Variants in ADAMTS12 observed in about 807,000 individuals in gnomAD.
ADAMTS12 encodes ADAM metallopeptidase with thrombospondin type 1 motif 12.
ADAMTS12 carries 118 observed loss-of-function variants against 167.8 expected under a neutral mutation model. That is an observed-to-expected ratio of 0.70 (90% confidence interval 0.61 to 0.82). The LOEUF is 0.82. ADAMTS12 is among the 40% of genes least tolerant of loss of function. ADAMTS12 has a pLI of 0.00. For missense variants in ADAMTS12, 1,916 were observed against 1,998.8 expected, an observed-to-expected ratio of 0.96 and a Z score of 0.79; for synonymous variants, 704 against 716.9, an observed-to-expected ratio of 0.98 and a Z score of 0.29.
chr5:33,626,326 T>C (rs893836516), intron 13 of ADAMTS12, among the ~76,000 whole-genome samples: 1 of 148,022 alleles, frequency 6.8e-6, no homozygotes, highest in Non-Finnish European at 1.5e-5. Flanking sequence ...GCAGTGATGA[T>C]GGTGGTGATG....
intron 2 of ADAMTS12, among the ~76,000 whole-genome samples, chr5:33,777,633 C>T (rs894439209): frequency 3.0e-4 from 46 of 152,118 alleles, no homozygotes; most frequent in Non-Finnish European, 5.6e-4. Flanking sequence ...AAGATACCTA[C>T]TGTCACCATT....
intron 3 of ADAMTS12, among the ~76,000 whole-genome samples, chr5:33,705,993 T>C (rs1035468938): frequency 6.6e-6 from 1 of 152,130 alleles, no homozygotes; most frequent in African/African-American, 2.4e-5. Flanking sequence ...AAACTGATCT[T>C]CCATGTTCAT....
intron 2 of ADAMTS12, among the ~76,000 whole-genome samples, chr5:33,810,726 G>A (rs1424160474): frequency 2.6e-5 from 4 of 152,128 alleles, no homozygotes; most frequent in African/African-American, 4.8e-5. Flanking sequence ...TAAAATTGAG[G>A]GGAAAAGTCT....
intron 11 of ADAMTS12, among the ~76,000 whole-genome samples, chr5:33,640,360 C>T (rs2112169864): frequency 6.6e-6 from 1 of 152,344 alleles, no homozygotes; most frequent in South Asian, 2.1e-4. Flanking sequence ...ACCTCCTCAA[C>T]TAGGAGTTCC....
At chr5:33,573,294 C>G (rs1213591559) in intron 19 of ADAMTS12, among the ~76,000 whole-genome samples, 1 of 152,188 alleles carries the variant, frequency 6.6e-6, no homozygotes, top group Non-Finnish European at 1.5e-5. Flanking sequence ...ATCACCAAGT[C>G]AATCCTAAGC....
intron 16 of ADAMTS12, among the ~76,000 whole-genome samples, chr5:33,599,046 C>T (rs994648934): frequency 6.6e-6 from 1 of 152,172 alleles, no homozygotes; most frequent in African/African-American, 2.4e-5. Flanking sequence ...CTTGGATCAA[C>T]CGGCTTAGGT....
rs529332051 is a variant in ADAMTS12, at chr5:33,764,029, A to AGCATT, written c.490-12486_490-12482dup. Among the ~76,000 whole-genome samples the AGCATT allele has an allele frequency of 2.4e-3, 360 of 152,322 alleles. 1 individual carries two copies. The highest frequency in any genetic ancestry group is 8.3e-3 in the African/African-American group (347 of 41,576). On this transcript the variant is annotated intron_variant, in intron 2 of 23. Coordinates refer to ENST00000504830, the MANE Select transcript of ADAMTS12 (RefSeq NM_030955.4). ...CCTACAGGGCTGTAGTGCCACACAC[A>AGCATT]GCATTCATTAAGAAACAATAGTGGC... is the stretch of plus-strand genomic sequence containing the variant.
chr5:33,683,177 G>T, intron 4 of ADAMTS12, 76 bp from the exon 5 acceptor site: 1 of 1,142,528 alleles, frequency 8.8e-7, no homozygotes, highest in Non-Finnish European at 1.3e-6. Context: ...AAATAGCATT[G>T]TAATGCACAT....
At chr5:33,578,592 G>GA (rs928599931) in intron 18 of ADAMTS12, among the ~76,000 whole-genome samples, 12 of 151,062 alleles carry the variant, frequency 7.9e-5, no homozygotes, top group South Asian at 2.1e-4. Flanking sequence ...CTTTTACCTG[G>GA]AAAAAAAAAT....
chr5:33,875,546 G>A (rs1750198688), intron 2 of ADAMTS12, among the ~76,000 whole-genome samples: 2 of 152,084 alleles, frequency 1.3e-5, no homozygotes, highest in South Asian at 4.2e-4. Context: ...ATATTAATAG[G>A]CTAAAGAAGA....
At chr5:33,772,496 G>C (rs1745782779) in intron 2 of ADAMTS12, among the ~76,000 whole-genome samples, 2 of 152,130 alleles carry the variant, frequency 1.3e-5, no homozygotes, top group South Asian at 4.1e-4. Context: ...TTACTCACTT[G>C]GAAAACATCC....
chr5:33,614,134 G>A (rs768345148), intron 16 of ADAMTS12, 104 bp downstream of exon 16: 18 of 1,438,180 alleles, frequency 1.3e-5, no homozygotes, highest in Non-Finnish European at 1.7e-5. Flanking sequence ...GTGGAGCCCT[G>A]CAGATCCATG....
At chr5:33,528,246 T>C (rs1285466955) in intron 23 of ADAMTS12, among the ~76,000 whole-genome samples, 1 of 150,950 alleles carries the variant, frequency 6.6e-6, no homozygotes, top group East Asian at 1.9e-4. Context: ...ATAAGAATGA[T>C]ATAATAGACA....
intron 5 of ADAMTS12, among the ~76,000 whole-genome samples, chr5:33,669,776 A>C (rs1017402465): frequency 6.6e-6 from 1 of 152,112 alleles, no homozygotes; most frequent in Admixed American, 6.6e-5. Flanking sequence ...AGATATCCAC[A>C]GGCCAAAAAC....
At chr5:33,711,820 G>T (rs1471140080) in intron 3 of ADAMTS12, among the ~76,000 whole-genome samples, 1 of 152,172 alleles carries the variant, frequency 6.6e-6, no homozygotes, top group African/African-American at 2.4e-5. Flanking sequence ...TGACCCTAAG[G>T]ATATGTGCAG....
chr5:33,696,284 G>T (rs373138852), intron 3 of ADAMTS12, among the ~76,000 whole-genome samples: 1 of 150,580 alleles, frequency 6.6e-6, no homozygotes, highest in Non-Finnish European at 1.5e-5. Flanking sequence ...AGCCGGGCAC[G>T]GTGGCGGGCG....
chr5:33,590,449 C>T (rs571708319), intron 17 of ADAMTS12, among the ~76,000 whole-genome samples: 129 of 152,148 alleles, frequency 8.5e-4, no homozygotes, highest in Non-Finnish European at 1.2e-3. Context: ...GGATTAAGGC[C>T]ACTTGGAAAA....
rs560792726 is a variant in ADAMTS12 at position 33,703,780 on chromosome 5, G to A, written c.635-19725C>T. Among the ~76,000 whole-genome samples the A allele has an allele frequency of 1.1e-4, 17 of 152,246 alleles. No individual in the cohort carries two copies. The East Asian group carries it at 3.3e-3, about 29-fold the overall frequency. On this transcript the variant is annotated intron_variant, in intron 3 of 23. Transcript: ENST00000504830. ...GTAAATTAAATAAAATTTACAGGAG[G>A]TATTGGTTTGGGCTGAGCTTCTGCA... is the stretch of plus-strand genomic sequence containing the variant.
chr5:33,731,510 A>T (rs1266728748), intron 3 of ADAMTS12, among the ~76,000 whole-genome samples: 1 of 152,250 alleles, frequency 6.6e-6, no homozygotes, highest in Non-Finnish European at 1.5e-5. Flanking sequence ...ATGCATGATA[A>T]TGAGGCAAGG....
Sources: gnomAD v4.1 joint callset for allele counts (sites outside exome capture counted in the v4.1 genomes callset) on GRCh38, gnomAD v4.1.1 for gene constraint, MANE v1.5 for transcripts, NCBI Gene and HGNC (gene_info 2026-07-23, HGNC 2026-07-21) for gene names.